Variants in ADGRL2 observed in about 807,000 individuals in gnomAD.
The protein encoded by ADGRL2 is calcium-independent alpha-latrotoxin receptor 2.
In ADGRL2, 44 loss-of-function variants were observed where a neutral mutation model predicts 157.4. The ratio of observed to expected loss-of-function variants is 0.28; its 90% confidence interval spans 0.22 to 0.36. The LOEUF (loss-of-function observed/expected upper bound fraction) is 0.36, where lower values mean the gene tolerates loss of function less well. ADGRL2 is among the 10% of genes least tolerant of loss of function. ADGRL2 has a pLI of 1.00. For synonymous variants in ADGRL2, 585 were observed against 624.7 expected (o/e 0.94, Z 0.95); for missense variants, 1,510 against 1,768.9 (o/e 0.85, Z 2.63).
At chr1:81,919,861 G>C (rs1333517628) in intron 3 of ADGRL2, among the ~76,000 whole-genome samples, 5 of 152,070 alleles carry the variant, frequency 3.3e-5, no homozygotes, top group African/African-American at 1.2e-4. Context: ...TAATAAGTTG[G>C]TTCAAGGCAC....
At chr1:81,972,698 G>T (rs1386636392) in intron 17 of ADGRL2, among the ~76,000 whole-genome samples, 2 of 151,924 alleles carry the variant, frequency 1.3e-5, no homozygotes, top group Admixed American at 1.3e-4. Context: ...ATCACTTGAG[G>T]CAAGGAGTTA....
chr1:81,993,087 A>ATATATATATATTTTT lies in ADGRL2; in HGVS notation c.*1943_*1944insATATATATATTTTTT, dbSNP rs1441283966. On this transcript the variant is annotated 3_prime_UTR_variant, in exon 24 of 24. Coordinates refer to ENST00000686636, the MANE Select transcript of ADGRL2 (RefSeq NM_001366006.2). ...TATATATATATATATATATATATAT[A>ATATATATATATTTTT]TTTTTTTTTTTTTTTTTTTTTTTTT... Among the ~76,000 whole-genome samples, 1 of 29,200 alleles carries ATATATATATATTTTT rather than the reference A, an allele frequency of 3.4e-5. No individual in the cohort carries two copies. The highest frequency in any genetic ancestry group is 5.5e-5 in the Non-Finnish European group (1 of 18,336). 19.2% of individuals were successfully genotyped at this position (29,200 alleles called of 152,430 possible). A position where few individuals can be genotyped will look rare whatever the true frequency, so the allele number is the denominator to read the frequency against.
chr1:81,649,277 G>A (rs1034539925), intron 3 of ADGRL2, among the ~76,000 whole-genome samples: 3 of 152,148 alleles, frequency 2.0e-5, no homozygotes, highest in East Asian at 1.9e-4. Flanking sequence ...ACCTTTTCTC[G>A]CTGCTTTCCC....
At chr1:81,861,613 G>C (rs1298462575) in intron 2 of ADGRL2, among the ~76,000 whole-genome samples, 1 of 152,204 alleles carries the variant, frequency 6.6e-6, no homozygotes, top group Non-Finnish European at 1.5e-5. Context: ...CATGGGCCAT[G>C]CACAGTGGCT....
intron 1 of ADGRL2, among the ~76,000 whole-genome samples, chr1:81,732,123 A>G (rs2149181704): frequency 6.6e-6 from 1 of 152,352 alleles, no homozygotes; most frequent in African/African-American, 2.4e-5. Flanking sequence ...AGTAGTGATC[A>G]CATATTCATT....
intron 1 of ADGRL2, among the ~76,000 whole-genome samples, chr1:81,748,467 C>CAA (rs973818702): frequency 0.018 from 737 of 41,518 alleles, 18 homozygotes; most frequent in Middle Eastern, 0.068. Context: ...GATTCCGTCT[C>CAA]AAAAAAAAAA....
chr1:81,566,195 T>TCAAACATGTATTGGTTCCTG (rs909667004), intron 2 of ADGRL2, among the ~76,000 whole-genome samples: 1 of 152,166 alleles, frequency 6.6e-6, no homozygotes, highest in Non-Finnish European at 1.5e-5. Flanking sequence ...GAAAATATAT[T>TCAAACATGTATTGGTTCCTG]CAAACATGTA....
rs1317090722 is a variant in ADGRL2, at chr1:81,990,372, T to A, written c.3656-19T>A. 1.2e-6 allele frequency: 2 copies of A among 1,603,800 alleles called. No homozygotes were observed. Among genetic ancestry groups the A allele is most frequent in the Non-Finnish European group, 1.7e-6 (2 of 1,173,316 alleles). On this transcript the variant is annotated intron_variant, in intron 23 of 23. Coordinates refer to ENST00000686636, the MANE Select transcript of ADGRL2 (RefSeq NM_001366006.2). ...AAGGAACAGAGACAGTAATGATAAC[T>A]CCCCCTCTTCTGTTTCAGGACATTC...
chr1:81,723,611 A>C (rs772206093), intron 1 of ADGRL2, among the ~76,000 whole-genome samples: 2 of 152,196 alleles, frequency 1.3e-5, no homozygotes, highest in Non-Finnish European at 2.9e-5. Flanking sequence ...TGTATTGGAT[A>C]TGTGGTTCCT....
chr1:81,720,661 A>T (rs935148694), intron 1 of ADGRL2, among the ~76,000 whole-genome samples: 1 of 152,146 alleles, frequency 6.6e-6, no homozygotes, highest in Non-Finnish European at 1.5e-5. Context: ...AATTTCAGTT[A>T]TACAAATTTT....
chr1:81,932,849 A>G (rs1348297451), intron 3 of ADGRL2, among the ~76,000 whole-genome samples: 11 of 152,126 alleles, frequency 7.2e-5, no homozygotes, highest in Non-Finnish European at 2.9e-5. Flanking sequence ...ATGCGCCACC[A>G]TGCATGCCTG....
At chr1:81,395,286 T>G (rs900197823) in intron 1 of ADGRL2, among the ~76,000 whole-genome samples, 1 of 152,206 alleles carries the variant, frequency 6.6e-6, no homozygotes, top group Admixed American at 6.5e-5. Context: ...GGATTAGTGA[T>G]GTTGAGCATT....
intron 3 of ADGRL2, among the ~76,000 whole-genome samples, chr1:81,684,199 G>A (rs903187661): frequency 6.6e-6 from 1 of 152,150 alleles, no homozygotes; most frequent in Non-Finnish European, 1.5e-5. Flanking sequence ...GTTCTTTAAG[G>A]AATCTCCACT....
intron 1 of ADGRL2, among the ~76,000 whole-genome samples, chr1:81,700,637 A>G (rs1277177920): frequency 6.6e-6 from 1 of 152,198 alleles, no homozygotes; most frequent in African/African-American, 2.4e-5. Flanking sequence ...GAAACAATAT[A>G]TGTAATTTGT....
chr1:81,649,629 A>G (rs988028309), intron 3 of ADGRL2, among the ~76,000 whole-genome samples: 2 of 152,212 alleles, frequency 1.3e-5, no homozygotes, highest in Admixed American at 6.5e-5. Flanking sequence ...GAAAGCTAAC[A>G]GTTAACCCTT....
chr1:81,948,046 GTC>G (rs1301537683), intron 6 of ADGRL2, among the ~76,000 whole-genome samples: 1 of 151,782 alleles, frequency 6.6e-6, no homozygotes, highest in Non-Finnish European at 1.5e-5. Flanking sequence ...GTGAAACCCC[GTC>G]TCTGCTAAAA....
At chr1:81,453,156 TG>T (rs2077733378) in intron 2 of ADGRL2, among the ~76,000 whole-genome samples, 3 of 152,150 alleles carry the variant, frequency 2.0e-5, no homozygotes, top group Admixed American at 6.5e-5. Context: ...TGTGATACAT[TG>T]GGGGAAAAAA....
intron 2 of ADGRL2, among the ~76,000 whole-genome samples, chr1:81,886,999 C>G (rs2151333464): frequency 6.6e-6 from 1 of 152,236 alleles, no homozygotes; most frequent in East Asian, 1.9e-4. Context: ...GGCCCGATAT[C>G]TAGAGATATT....
rs1036928692 is a variant in ADGRL2, at chr1:81,851,682, T to C, written c.73+14625T>C. ...ATTAAAATGTTTATAGCTTGTAATT[T>C]ATAAAAATTCGTAGCTTTTTTGGGG... On this transcript the variant is annotated intron_variant, in intron 2 of 23. Coordinates refer to ENST00000686636, the MANE Select transcript of ADGRL2 (RefSeq NM_001366006.2). Among the ~76,000 whole-genome samples, 10 of 151,928 alleles carry C rather than the reference T, an allele frequency of 6.6e-5. No individual in the cohort carries two copies. In the East Asian group the frequency reaches 1.9e-3, roughly 29 times the overall value.
Sources: allele counts gnomAD v4.1 joint callset (sites outside exome capture counted in the v4.1 genomes callset), GRCh38; gene constraint gnomAD v4.1.1; transcripts MANE v1.5; gene names NCBI Gene and HGNC (gene_info 2026-07-23, HGNC 2026-07-21).